Variants in PRKN observed in about 807,000 individuals in gnomAD.
PRKN encodes the protein parkin RBR E3 ubiquitin protein ligase.
Under a neutral mutation model 59.5 loss-of-function variants are expected in PRKN, and 56 were observed. That is an observed-to-expected ratio of 0.94 (90% confidence interval 0.76 to 1.18). The LOEUF (loss-of-function observed/expected upper bound fraction) is 1.18, where lower values mean the gene tolerates loss of function less well. PRKN is among the 50% of genes most tolerant of loss of function. The pLI, the probability that PRKN is intolerant of heterozygous loss-of-function variation, is 0.00. For missense variants in PRKN, 657 were observed against 596.4 expected (o/e 1.10, Z -1.06); for synonymous variants, 250 against 222.1 (o/e 1.13, Z -1.12).
chr6:162,004,860 G>T (rs1255121314), intron 5 of PRKN, among the ~76,000 whole-genome samples: 1 of 152,202 alleles, frequency 6.6e-6, no homozygotes, highest in Non-Finnish European at 1.5e-5. Context: ...CAAGGAAATA[G>T]TGTTGATGTT....
chr6:161,731,193 G>C (rs1391231802), intron 7 of PRKN, among the ~76,000 whole-genome samples: 1 of 152,252 alleles, frequency 6.6e-6, no homozygotes, highest in Admixed American at 6.5e-5. Flanking sequence ...TTCTTGTTGA[G>C]TTTAAAAGAT....
intron 6 of PRKN, among the ~76,000 whole-genome samples, chr6:161,803,673 A>C (rs931170114): frequency 9.2e-5 from 14 of 152,210 alleles, no homozygotes; most frequent in African/African-American, 3.4e-4. Flanking sequence ...CTTAGTACTC[A>C]GCCATAGCTG....
intron 1 of PRKN, among the ~76,000 whole-genome samples, chr6:162,718,312 G>T (rs1353585683): frequency 1.3e-5 from 2 of 152,080 alleles, no homozygotes; most frequent in Non-Finnish European, 2.9e-5. Flanking sequence ...GATTAAATTG[G>T]CTGCAAAAGC....
chr6:162,011,004 AT>A lies in PRKN; in HGVS notation c.619-37588del, dbSNP rs1380058225. 1.2e-4 allele frequency among the ~76,000 whole-genome samples: 2 copies of A among 17,220 alleles called. 1 individual carries two copies. Among genetic ancestry groups the A allele is most frequent in the Non-Finnish European group, 1.6e-4 (2 of 12,880 alleles). 11.3% of individuals were successfully genotyped at this position (17,220 alleles called of 152,430 possible). A position where few individuals can be genotyped will look rare whatever the true frequency, so the allele number is the denominator to read the frequency against. On this transcript the variant is annotated intron_variant, in intron 5 of 11. Coordinates refer to ENST00000366898, the MANE Select transcript of PRKN (RefSeq NM_004562.3). ...ATAATATATATTTATAACATAATATATTTATAATATATATTATAATATATAA... is the reference window on the plus strand; with the variant it reads ...ATAATATATATTTATAACATAATATATTATAATATATATTATAATATATAA...
intron 1 of PRKN, among the ~76,000 whole-genome samples, chr6:162,523,076 C>T (rs545892693): frequency 7.2e-5 from 11 of 152,162 alleles, no homozygotes; most frequent in Non-Finnish European, 1.6e-4. Context: ...CCCAATGGCT[C>T]AACTGTGTTC....
At chr6:161,701,794 A>G (rs1786262666) in intron 7 of PRKN, among the ~76,000 whole-genome samples, 1 of 152,216 alleles carries the variant, frequency 6.6e-6, no homozygotes, top group South Asian at 2.1e-4. Context: ...ACAAGTCATT[A>G]TGTTCATTCT....
At chr6:162,244,795 T>A (rs565117171) in intron 3 of PRKN, among the ~76,000 whole-genome samples, 14 of 152,100 alleles carry the variant, frequency 9.2e-5, no homozygotes, top group South Asian at 8.3e-4. Context: ...TTGATCTAAT[T>A]CAAAGAATAT....
chr6:162,267,824 A>G (rs948592170), intron 2 of PRKN, among the ~76,000 whole-genome samples: 4 of 152,140 alleles, frequency 2.6e-5, no homozygotes, highest in Admixed American at 2.0e-4. Flanking sequence ...TTGCCAAACA[A>G]TGATCAACTC....
At chr6:162,160,765 C>T (rs1465969455) in intron 4 of PRKN, among the ~76,000 whole-genome samples, 4 of 151,730 alleles carry the variant, frequency 2.6e-5, no homozygotes, top group African/African-American at 9.7e-5. Flanking sequence ...GGGACTTTCT[C>T]CTGTAGTCCC....
At chr6:162,417,117 A>C (rs1788669140) in intron 2 of PRKN, among the ~76,000 whole-genome samples, 1 of 152,182 alleles carries the variant, frequency 6.6e-6, no homozygotes, top group African/African-American at 2.4e-5. Flanking sequence ...GATGCAAACA[A>C]TATTACTGAA....
rs1777897604 is a variant in PRKN, at chr6:161,499,982, C to T, written c.1083+48872G>A. On this transcript the variant is annotated intron_variant, in intron 9 of 11. Coordinates refer to ENST00000366898, the MANE Select transcript of PRKN (RefSeq NM_004562.3). The surrounding 1 kb of genome is among the most constrained non-coding windows in gnomAD (Gnocchi z 4.2). ...AATGCTGCCCTCACTCTCCTCCTTC[C>T]CCACTTTTGTTCATGCAGTGTCTTT... is the stretch of plus-strand genomic sequence containing the variant. Among the ~76,000 whole-genome samples, 1 of 152,252 alleles carries T rather than the reference C, an allele frequency of 6.6e-6. No homozygotes were observed. The highest frequency in any genetic ancestry group is 2.4e-5 in the African/African-American group (1 of 41,546).
At chr6:162,489,862 A>G (rs1708280283) in intron 1 of PRKN, among the ~76,000 whole-genome samples, 1 of 152,132 alleles carries the variant, frequency 6.6e-6, no homozygotes, top group Non-Finnish European at 1.5e-5. Context: ...ACTTTTCTCT[A>G]TGTTCCAGGG....
At chr6:162,622,308 GTT>G (rs1235274302) in intron 1 of PRKN, among the ~76,000 whole-genome samples, 1 of 121,458 alleles carries the variant, frequency 8.2e-6, no homozygotes. Context: ...TTTTTGTTTT[GTT>G]TTTTTTTGGT....
At chr6:161,541,711 C>T (rs992084559) in intron 9 of PRKN, among the ~76,000 whole-genome samples, 1 of 152,090 alleles carries the variant, frequency 6.6e-6, no homozygotes, top group African/African-American at 2.4e-5. Flanking sequence ...ATCCCAGCTA[C>T]TCAGGAGGCT....
chr6:162,155,066 C>A (rs536679309), intron 4 of PRKN, among the ~76,000 whole-genome samples: 1 of 149,686 alleles, frequency 6.7e-6, no homozygotes, highest in African/African-American at 2.5e-5. Context: ...GACTTCTAGA[C>A]TCTATGGTAA....
chr6:161,377,302 C>T lies in PRKN; in HGVS notation c.1167+9492G>A, dbSNP rs778043071. Among the ~76,000 whole-genome samples, 10 of 152,332 alleles carry T rather than the reference C, an allele frequency of 6.6e-5. No individual in the cohort carries two copies. Among genetic ancestry groups the T allele is most frequent in the South Asian group, 2.1e-4 (1 of 4,830 alleles). On this transcript the variant is annotated intron_variant, in intron 10 of 11. Coordinates refer to ENST00000366898, the MANE Select transcript of PRKN (RefSeq NM_004562.3). This position sits in a 1 kb window ranked among gnomAD's most constrained non-coding sequence, Gnocchi z 4.2. ...CTAGGCCCAGGCCCAAGCAGGCCCACGGGGCGTGAGCGAGCTGCACAAGCA... is the reference window on the plus strand; with the variant it reads ...CTAGGCCCAGGCCCAAGCAGGCCCATGGGGCGTGAGCGAGCTGCACAAGCA...
chr6:161,588,900 A>G lies in PRKN; in HGVS notation c.872-19484T>C, dbSNP rs867982120. Among the ~76,000 whole-genome samples the G allele has an allele frequency of 6.6e-6, 1 of 152,108 alleles. No individual in the cohort carries two copies. The highest frequency in any genetic ancestry group is 1.5e-5 in the Non-Finnish European group (1 of 68,012). ...GTACCAAGTCCTTTTTTTTTAGCCT[A>G]AGCCTGACCCAGATATTTTTGTTAA... is the stretch of plus-strand genomic sequence containing the variant. On this transcript the variant is annotated intron_variant, in intron 7 of 11. Coordinates refer to ENST00000366898, the MANE Select transcript of PRKN (RefSeq NM_004562.3). The surrounding 1 kb of genome is among the most constrained non-coding windows in gnomAD (Gnocchi z 5.0).
intron 6 of PRKN, among the ~76,000 whole-genome samples, chr6:161,799,956 A>G (rs947238041): frequency 1.3e-5 from 2 of 152,184 alleles, no homozygotes; most frequent in Non-Finnish European, 2.9e-5. Context: ...ACAGTTACCA[A>G]GGAGGCAGTG....
At chr6:162,458,183 G>C (rs1015340996) in intron 1 of PRKN, among the ~76,000 whole-genome samples, 2 of 131,464 alleles carry the variant, frequency 1.5e-5, no homozygotes, top group Non-Finnish European at 1.8e-5. Flanking sequence ...TTGAACCTGG[G>C]AGGTAGAGGT....
Sources: allele counts gnomAD v4.1 joint callset (sites outside exome capture counted in the v4.1 genomes callset), GRCh38; gene constraint gnomAD v4.1.1; non-coding constraint Gnocchi (gnomAD v3.1); transcripts MANE v1.5; gene names NCBI Gene and HGNC (gene_info 2026-07-23, HGNC 2026-07-21).